Variants in RGS6 observed in about 807,000 individuals in gnomAD.
The protein encoded by RGS6 is regulator of G protein signaling 6.
RGS6 carries 30 observed loss-of-function variants against 78.5 expected under a neutral mutation model. The observed-to-expected ratio is 0.38, with a 90% CI of 0.29 to 0.52. The LOEUF is 0.52. Among genes scored for constraint, RGS6 ranks in the 20% least tolerant of loss-of-function variants. The pLI is 0.85. For missense variants in RGS6, 495 were observed against 609.7 expected, an observed-to-expected ratio of 0.81 and a Z score of 1.98; for synonymous variants, 206 against 206.0, an observed-to-expected ratio of 1.00 and a Z score of 0.00.
chr14:72,591,519 G>A, the RGS6 span, among the ~76,000 whole-genome samples: 1 of 152,068 alleles, frequency 6.6e-6, no homozygotes, highest in Non-Finnish European at 1.5e-5. Context: ...TCTCCGCGTG[G>A]TACCAGGCAC....
rs372241367 is a variant in RGS6, at chr14:72,459,731, A to G, written c.394+48A>G. 392 of 1,589,112 alleles carry G rather than the reference A, an allele frequency of 2.5e-4. 1 individual carries two copies. The highest frequency in any genetic ancestry group is 1.3e-3 in the Middle Eastern group (8 of 6,012). On this transcript the variant is annotated intron_variant, in intron 6 of 17. Coordinates refer to ENST00000553525, the MANE Select transcript of RGS6 (RefSeq NM_001204424.2). ...ACTCTCAACTTCAACACTGTGTGTC[A>G]CTTCTGGGGGTGCAGAAGACAAATG...
chr14:72,302,455 CAA>C (rs1458332387), intron 2 of RGS6, among the ~76,000 whole-genome samples: 1 of 152,194 alleles, frequency 6.6e-6, no homozygotes. Flanking sequence ...GAACTCAGGG[CAA>C]AGTCTTGTCC....
chr14:72,514,972 G>A (rs1483834525), intron 14 of RGS6, among the ~76,000 whole-genome samples: 1 of 152,198 alleles, frequency 6.6e-6, no homozygotes. Flanking sequence ...AGGCCTGTGG[G>A]GCTCGAAGAT....
At chr14:72,390,161 G>C (rs944936331) in intron 3 of RGS6, among the ~76,000 whole-genome samples, 2 of 147,508 alleles carry the variant, frequency 1.4e-5, no homozygotes, top group African/African-American at 2.5e-5. Context: ...GCAGTGGTGC[G>C]ATCTCAGCTC....
intron 2 of RGS6, among the ~76,000 whole-genome samples, chr14:72,332,488 A>G (rs918242726): frequency 6.6e-6 from 1 of 152,220 alleles, no homozygotes; most frequent in Non-Finnish European, 1.5e-5. Context: ...CTCAGAGAAC[A>G]GGGGGAGAGT....
At chr14:72,038,524 T>C (rs1431277331) in intron 2 of RGS6, among the ~76,000 whole-genome samples, 1 of 152,186 alleles carries the variant, frequency 6.6e-6, no homozygotes, top group Non-Finnish European at 1.5e-5. Context: ...ATTTTGAACA[T>C]AGTATGTTTT....
At chr14:71,883,734 G>A in the RGS6 span, among the ~76,000 whole-genome samples, 1,164 of 152,286 alleles carry the variant, frequency 7.6e-3, 14 homozygotes, top group African/African-American at 0.026. Flanking sequence ...ACCTCTAGTC[G>A]TCCTCACTGC....
chr14:72,042,416 A>G (rs1241635292), intron 2 of RGS6, among the ~76,000 whole-genome samples: 1 of 152,080 alleles, frequency 6.6e-6, no homozygotes, highest in African/African-American at 2.4e-5. Flanking sequence ...GGCATGAGCC[A>G]CCGCACCCAG....
chr14:72,121,238 C>T (rs987164470), intron 2 of RGS6, among the ~76,000 whole-genome samples: 7 of 152,214 alleles, frequency 4.6e-5, no homozygotes, highest in African/African-American at 1.4e-4. Flanking sequence ...AAACTTTCCT[C>T]CAGTGAAACC....
chr14:71,970,779 G>A (rs1450442996), intron 2 of RGS6, among the ~76,000 whole-genome samples: 2 of 152,158 alleles, frequency 1.3e-5, no homozygotes, highest in East Asian at 1.9e-4. Context: ...GGGGTAAATG[G>A]GGAACTAGAC....
At chr14:71,927,302 C>T in the RGS6 span, among the ~76,000 whole-genome samples, 21 of 152,310 alleles carry the variant, frequency 1.4e-4, no homozygotes, top group Non-Finnish European at 2.9e-4. Flanking sequence ...TCTGACATAA[C>T]ATTATTTCCA....
chr14:72,573,637 C>T, the RGS6 span, among the ~76,000 whole-genome samples: 12 of 152,296 alleles, frequency 7.9e-5, no homozygotes, highest in Non-Finnish European at 1.3e-4. Flanking sequence ...TTCACTTCTT[C>T]TCCAACCAAA....
At chr14:72,577,279 G>A in the RGS6 span, among the ~76,000 whole-genome samples, 7 of 152,346 alleles carry the variant, frequency 4.6e-5, no homozygotes, top group Admixed American at 1.3e-4. Context: ...TCTGAGAGAA[G>A]AAGTTGAAAG....
chr14:72,041,214 G>A (rs1409736495), intron 2 of RGS6, among the ~76,000 whole-genome samples: 1 of 152,166 alleles, frequency 6.6e-6, no homozygotes, highest in African/African-American at 2.4e-5. Flanking sequence ...CAGTCTTAAT[G>A]GACTGGCTTT....
rs566301073 is a variant in RGS6, at chr14:72,293,024, A to G, written c.85-59071A>G. Among the ~76,000 whole-genome samples, 88 of 152,338 alleles carry G rather than the reference A, an allele frequency of 5.8e-4. 2 individuals carry two copies. In the South Asian group the frequency reaches 0.017, roughly 29 times the overall value. ...TATATTTGTATTGTGATTATTCTGC[A>G]TATCTAAGAATTTCATCCCTTTCTA... is the stretch of plus-strand genomic sequence containing the variant. On this transcript the variant is annotated intron_variant, in intron 2 of 17. Coordinates refer to ENST00000553525, the MANE Select transcript of RGS6 (RefSeq NM_001204424.2).
Position 72,267,576 on chromosome 14 carries a change from C to T in RGS6, c.85-84519C>T, listed in dbSNP as rs187109315. ...CTGGATTCCAGGCTCAGAGTTACAGCAAAGAGAACAGAAAGTATAGCTCAT... is the reference window on the plus strand; with the variant it reads ...CTGGATTCCAGGCTCAGAGTTACAGTAAAGAGAACAGAAAGTATAGCTCAT... On this transcript the variant is annotated intron_variant, in intron 2 of 17. Transcript: ENST00000553525. 2.6e-4 allele frequency among the ~76,000 whole-genome samples: 39 copies of T among 152,272 alleles called. 1 individual carries two copies. The East Asian group carries it at 7.3e-3, about 29-fold the overall frequency.
chr14:71,986,892 A>G (rs1403159810), intron 2 of RGS6, among the ~76,000 whole-genome samples: 1 of 151,804 alleles, frequency 6.6e-6, no homozygotes, highest in Non-Finnish European at 1.5e-5. Flanking sequence ...CATCAGTCCC[A>G]CCTCTACTCT....
intron 2 of RGS6, among the ~76,000 whole-genome samples, chr14:72,178,017 T>G (rs2097128803): frequency 6.6e-6 from 1 of 152,336 alleles, no homozygotes; most frequent in South Asian, 2.1e-4. Context: ...CCTTCTCCCA[T>G]AGGTGCTAGT....
intron 2 of RGS6, among the ~76,000 whole-genome samples, chr14:72,024,268 G>A (rs2089364968): frequency 6.6e-6 from 1 of 152,172 alleles, no homozygotes; most frequent in Non-Finnish European, 1.5e-5. Flanking sequence ...TTGCCCCTGT[G>A]CACACCGTCT....
Sources: allele counts gnomAD v4.1 joint callset (sites outside exome capture counted in the v4.1 genomes callset), GRCh38; gene constraint gnomAD v4.1.1; transcripts MANE v1.5; gene names NCBI Gene and HGNC (gene_info 2026-07-23, HGNC 2026-07-21).